The following CCSER1 variants were observed in gnomAD, a reference collection of about 807,000 sequenced individuals.
The protein encoded by CCSER1 is serine-rich coiled-coil domain-containing protein 1.
CCSER1 carries 41 observed loss-of-function variants against 82.0 expected under a neutral mutation model. The ratio of observed to expected loss-of-function variants is 0.50; its 90% CI spans 0.39 to 0.65. CCSER1 has a LOEUF of 0.65. Ranked by LOEUF, CCSER1 falls within the 30% of genes least tolerant of loss-of-function variation. The pLI, the probability that CCSER1 is intolerant of heterozygous loss-of-function variation, is 0.00. For synonymous variants in CCSER1, 414 were observed against 383.9 expected (o/e 1.08, Z -0.92); for missense variants, 1,119 against 1,064.2 (o/e 1.05, Z -0.72).
chr4:91,104,451 T>A (rs1213260413), intron 10 of CCSER1, among the ~76,000 whole-genome samples: 2 of 152,146 alleles, frequency 1.3e-5, no homozygotes, highest in Non-Finnish European at 2.9e-5. Flanking sequence ...CTTTGTACTA[T>A]CTCTCTTTAT....
chr4:90,510,332 A>G (rs1771319780), intron 5 of CCSER1, among the ~76,000 whole-genome samples: 1 of 152,194 alleles, frequency 6.6e-6, no homozygotes, highest in Non-Finnish European at 1.5e-5. Flanking sequence ...TTGTTTTCTA[A>G]GGTGAATTCT....
chr4:90,486,122 A>C (rs1767011953), intron 5 of CCSER1, among the ~76,000 whole-genome samples: 1 of 152,216 alleles, frequency 6.6e-6, no homozygotes, highest in Non-Finnish European at 1.5e-5. Flanking sequence ...CAAATAAAAC[A>C]TTCATGGGCT....
rs544284278 is a variant in CCSER1 at position 90,356,086 on chromosome 4, A to G, written c.1509+43039A>G. Among the ~76,000 whole-genome samples the G allele has an allele frequency of 2.5e-4, 38 of 152,040 alleles. No homozygotes were observed. In the East Asian group the frequency reaches 7.1e-3, roughly 29 times the overall value. On this transcript the variant is annotated intron_variant, in intron 3 of 10. Coordinates refer to ENST00000509176, the MANE Select transcript of CCSER1 (RefSeq NM_001145065.2). ...TCTTTATAAAAGTATGTAATTAACAAGAACTCTTCTGTAATTATCCTGACA... is the reference window on the plus strand; with the variant it reads ...TCTTTATAAAAGTATGTAATTAACAGGAACTCTTCTGTAATTATCCTGACA...
At chr4:90,404,444 C>A (rs1405860281) in intron 4 of CCSER1, among the ~76,000 whole-genome samples, 3 of 152,136 alleles carry the variant, frequency 2.0e-5, no homozygotes, top group Admixed American at 1.3e-4. Flanking sequence ...TTCCCACGGC[C>A]TGAGAAACCT....
At chr4:90,249,458 A>G (rs1452456519) in intron 1 of CCSER1, among the ~76,000 whole-genome samples, 12 of 152,140 alleles carry the variant, frequency 7.9e-5, no homozygotes, top group Admixed American at 5.2e-4. Context: ...CATTACCCCC[A>G]AAAGAAATGC....
At chr4:90,277,951 ATCCAGAT>A (rs1560934144) in intron 1 of CCSER1, among the ~76,000 whole-genome samples, 2 of 152,158 alleles carry the variant, frequency 1.3e-5, no homozygotes, top group Non-Finnish European at 1.5e-5. Flanking sequence ...AAGATCTAAT[ATCCAGAT>A]TCTATAAGGA....
intron 10 of CCSER1, among the ~76,000 whole-genome samples, chr4:91,533,779 C>A (rs919259940): frequency 6.6e-6 from 1 of 151,830 alleles, no homozygotes; most frequent in Non-Finnish European, 1.5e-5. Context: ...ATTTCCCAAT[C>A]GTAATTTTTA....
chr4:91,003,109 G>T (rs1042521158), intron 9 of CCSER1, among the ~76,000 whole-genome samples: 1 of 152,202 alleles, frequency 6.6e-6, no homozygotes, highest in African/African-American at 2.4e-5. Flanking sequence ...CCATCTGCAG[G>T]TCTCATAGCC....
At chr4:90,391,505 AT>A in intron 3 of CCSER1, among the ~76,000 whole-genome samples, 1 of 23,360 alleles carries the variant, frequency 4.3e-5, no homozygotes, top group Non-Finnish European at 6.5e-5. Flanking sequence ...CAGTGGGTAA[AT>A]ATATATATAT....
chr4:91,388,966 T>C lies in CCSER1; in HGVS notation c.2218-209606T>C, dbSNP rs576406642. Among the ~76,000 whole-genome samples, 5 of 152,132 alleles carry C rather than the reference T, an allele frequency of 3.3e-5. No homozygotes were observed. The South Asian group carries it at 8.3e-4, about 25-fold the overall frequency. The stretch of plus-strand genomic sequence containing the variant: ...CTTATTGTTAAATTTTAAGTATTAT[T>C]TATATATTTTGAATAACAATCTTTT... On this transcript the variant is annotated intron_variant, in intron 10 of 10. Transcript: ENST00000509176.
intron 5 of CCSER1, among the ~76,000 whole-genome samples, chr4:90,609,946 A>T (rs989651420): frequency 6.6e-6 from 1 of 152,156 alleles, no homozygotes; most frequent in African/African-American, 2.4e-5. Flanking sequence ...ATTTATTCAC[A>T]TAGAATATCA....
chr4:91,596,950 A>G (rs890031920), intron 10 of CCSER1, among the ~76,000 whole-genome samples: 1 of 152,078 alleles, frequency 6.6e-6, no homozygotes, highest in Non-Finnish European at 1.5e-5. Flanking sequence ...TCCCTCTGAA[A>G]TCACTGAGTT....
intron 6 of CCSER1, among the ~76,000 whole-genome samples, chr4:90,673,232 A>G (rs1733147880): frequency 6.6e-6 from 1 of 151,996 alleles, no homozygotes; most frequent in Non-Finnish European, 1.5e-5. Context: ...AATATTCAAT[A>G]TTCAACTATT....
chr4:90,381,877 A>AT (rs1749265624), intron 3 of CCSER1, among the ~76,000 whole-genome samples: 1 of 152,034 alleles, frequency 6.6e-6, no homozygotes, highest in South Asian at 2.1e-4. Context: ...TTCAATAATT[A>AT]TTTTTTAAAT....
At chr4:90,702,556 C>T (rs2149283352) in intron 6 of CCSER1, among the ~76,000 whole-genome samples, 1 of 152,298 alleles carries the variant, frequency 6.6e-6, no homozygotes, top group South Asian at 2.1e-4. Flanking sequence ...GGTACCAGCT[C>T]CTCCTTGTAC....
intron 6 of CCSER1, among the ~76,000 whole-genome samples, chr4:90,694,796 G>T (rs7671284): frequency 1.8e-5 from 2 of 108,878 alleles, no homozygotes; most frequent in African/African-American, 6.4e-5. Context: ...TGTGTGTGTG[G>T]GGTGTGTGTG....
At chr4:91,521,237 G>C (rs1339597979) in intron 10 of CCSER1, among the ~76,000 whole-genome samples, 1 of 152,184 alleles carries the variant, frequency 6.6e-6, no homozygotes, top group Non-Finnish European at 1.5e-5. Context: ...TGGCTGCATA[G>C]TATTCCATGT....
chr4:91,019,945 TAAA>T (rs1037632503), intron 9 of CCSER1, among the ~76,000 whole-genome samples: 4 of 152,220 alleles, frequency 2.6e-5, no homozygotes, highest in African/African-American at 9.6e-5. Flanking sequence ...TAATAGCCAT[TAAA>T]GAAGAAAGAA....
chr4:91,018,369 A>G (rs960213022), intron 9 of CCSER1, among the ~76,000 whole-genome samples: 1 of 152,030 alleles, frequency 6.6e-6, no homozygotes, highest in South Asian at 2.1e-4. Context: ...TTTATCTCCA[A>G]ATATGTAGGT....
Sources: gnomAD v4.1 joint callset for allele counts (sites outside exome capture counted in the v4.1 genomes callset) on GRCh38, gnomAD v4.1.1 for gene constraint, MANE v1.5 for transcripts, NCBI Gene and HGNC (gene_info 2026-07-23, HGNC 2026-07-21) for gene names.